The following PPM1L variants were observed in gnomAD, a reference collection of about 807,000 sequenced individuals.
The protein encoded by PPM1L is protein phosphatase 1L.
A neutral mutation model predicts 31.4 loss-of-function variants in PPM1L; 13 were observed. That is an observed-to-expected ratio of 0.41 (90% CI 0.27 to 0.66). The LOEUF is 0.66. PPM1L is among the 30% of genes least tolerant of loss of function. The pLI, the probability that PPM1L is intolerant of heterozygous loss-of-function variation, is 0.29. For synonymous variants in PPM1L, 184 were observed against 175.4 expected (o/e 1.05, Z -0.39); for missense variants, 326 against 453.7 (o/e 0.72, Z 2.56).
chr3:160,852,150 C>G (rs1049362051), intron 1 of PPM1L, among the ~76,000 whole-genome samples: 2 of 152,116 alleles, frequency 1.3e-5, no homozygotes, highest in African/African-American at 4.8e-5. Flanking sequence ...GCTATTATCT[C>G]TCCTCAGAAG....
intron 1 of PPM1L, among the ~76,000 whole-genome samples, chr3:160,814,073 C>T (rs1368691090): frequency 1.3e-5 from 2 of 152,194 alleles, no homozygotes. Flanking sequence ...GATATATTAA[C>T]TTGCTTAGAT....
chr3:161,016,892 G>T (rs932995590), intron 2 of PPM1L, among the ~76,000 whole-genome samples: 2 of 152,146 alleles, frequency 1.3e-5, no homozygotes. Context: ...CATCGACTGG[G>T]TATTCATTTG....
At chr3:161,045,282 C>T (rs1327350773) in intron 2 of PPM1L, among the ~76,000 whole-genome samples, 1 of 152,214 alleles carries the variant, frequency 6.6e-6, no homozygotes, top group East Asian at 1.9e-4. Flanking sequence ...TGATAGACAT[C>T]TACAGAGCGC....
chr3:161,005,680 G>T (rs1717681086), intron 2 of PPM1L, among the ~76,000 whole-genome samples: 1 of 152,162 alleles, frequency 6.6e-6, no homozygotes, highest in Non-Finnish European at 1.5e-5. Flanking sequence ...TGGATCTCTT[G>T]TGAGTATTAA....
chr3:160,909,325 A>G (rs377286076), intron 1 of PPM1L, among the ~76,000 whole-genome samples: 3 of 152,182 alleles, frequency 2.0e-5, no homozygotes, highest in African/African-American at 7.2e-5. Flanking sequence ...AGTGCTGATA[A>G]TAGACTTGGG....
intron 1 of PPM1L, among the ~76,000 whole-genome samples, chr3:160,763,610 A>G (rs1267284573): frequency 1.3e-5 from 2 of 152,146 alleles, no homozygotes; most frequent in Non-Finnish European, 2.9e-5. Context: ...AACTATTAGC[A>G]CTATTATTGA....
At chr3:160,952,978 A>G (rs539756523) in intron 1 of PPM1L, among the ~76,000 whole-genome samples, 1 of 152,268 alleles carries the variant, frequency 6.6e-6, no homozygotes, top group Admixed American at 6.5e-5. Context: ...AATTTATAAA[A>G]TTGTGAAATT....
chr3:161,058,841 A>C (rs1013148083), intron 2 of PPM1L, among the ~76,000 whole-genome samples: 3 of 152,176 alleles, frequency 2.0e-5, no homozygotes, highest in Admixed American at 2.0e-4. Flanking sequence ...GGAATCTAAA[A>C]GATGTCTGAG....
At chr3:160,862,691 C>G (rs974950754) in intron 1 of PPM1L, among the ~76,000 whole-genome samples, 8 of 145,718 alleles carry the variant, frequency 5.5e-5, no homozygotes, top group Non-Finnish European at 1.0e-4. Flanking sequence ...CACACACACA[C>G]ACACACACAC....
intron 1 of PPM1L, among the ~76,000 whole-genome samples, chr3:160,833,554 G>C (rs1482557311): frequency 6.6e-6 from 1 of 152,030 alleles, no homozygotes; most frequent in South Asian, 2.1e-4. Context: ...TTTTTCAAAT[G>C]TGTATTGGCT....
chr3:160,862,062 C>T (rs1431385072), intron 1 of PPM1L, among the ~76,000 whole-genome samples: 1 of 152,108 alleles, frequency 6.6e-6, no homozygotes, highest in Admixed American at 6.6e-5. Flanking sequence ...AATGTATTCA[C>T]AGGTGTTAGG....
chr3:161,025,367 C>T (rs975197496), intron 2 of PPM1L, among the ~76,000 whole-genome samples: 1 of 151,914 alleles, frequency 6.6e-6, no homozygotes, highest in Non-Finnish European at 1.5e-5. Flanking sequence ...AGTTTGAGAC[C>T]AGCCTGGAAA....
At chr3:161,057,670 C>T (rs866244975) in intron 2 of PPM1L, among the ~76,000 whole-genome samples, 1 of 151,964 alleles carries the variant, frequency 6.6e-6, no homozygotes, top group Non-Finnish European at 1.5e-5. Context: ...CTTGAAAAAT[C>T]GGAGGAAACA....
chr3:160,765,686 A>G (rs1462429127), intron 1 of PPM1L, among the ~76,000 whole-genome samples: 1 of 152,210 alleles, frequency 6.6e-6, no homozygotes, highest in African/African-American at 2.4e-5. Context: ...TAGTGGTATT[A>G]GCATAACCAG....
intron 2 of PPM1L, among the ~76,000 whole-genome samples, chr3:161,032,115 GTAGA>G (rs1718585007): frequency 6.6e-6 from 1 of 152,180 alleles, no homozygotes; most frequent in African/African-American, 2.4e-5. Flanking sequence ...AATAGTAGCA[GTAGA>G]GATAACCAAA....
At chr3:160,903,214 G>A (rs1450436941) in intron 1 of PPM1L, among the ~76,000 whole-genome samples, 16 of 132,850 alleles carry the variant, frequency 1.2e-4, no homozygotes, top group Admixed American at 3.7e-4. Flanking sequence ...ATGTTTGTGT[G>A]TGTGTGTGTG....
chr3:160,814,686 ATACCATACG>A (rs1367409689), intron 1 of PPM1L, among the ~76,000 whole-genome samples: 2 of 144,502 alleles, frequency 1.4e-5, no homozygotes, highest in African/African-American at 5.4e-5. Flanking sequence ...TATATGGTAT[ATACCATACG>A]TATATGTGTA....
At chr3:161,052,455 G>C (rs1305126865) in intron 2 of PPM1L, among the ~76,000 whole-genome samples, 1 of 152,202 alleles carries the variant, frequency 6.6e-6, no homozygotes, top group Non-Finnish European at 1.5e-5. Context: ...TTGGTTGATA[G>C]ATTTGTAAAA....
chr3:160,901,158 A>C (rs1713529481), intron 1 of PPM1L, among the ~76,000 whole-genome samples: 1 of 152,020 alleles, frequency 6.6e-6, no homozygotes, highest in Admixed American at 6.6e-5. Context: ...CATCGGTATA[A>C]ATCCAAAGTT....
Sources: allele counts gnomAD v4.1 joint callset (sites outside exome capture counted in the v4.1 genomes callset), GRCh38; gene constraint gnomAD v4.1.1; transcripts MANE v1.5; gene names NCBI Gene and HGNC (gene_info 2026-07-23, HGNC 2026-07-21).